Variants in ITGA11 observed in about 807,000 individuals in gnomAD.
ITGA11 encodes integrin subunit alpha 11, also known as integrin alpha-11.
ITGA11 carries 97 observed loss-of-function variants against 141.9 expected under a neutral mutation model. The ratio of observed to expected loss-of-function variants is 0.68; its 90% confidence interval spans 0.58 to 0.81. The LOEUF is 0.81. Among genes scored for constraint, ITGA11 ranks in the 30% least tolerant of loss-of-function variants. The pLI is 0.00. For synonymous variants in ITGA11, 658 were observed against 624.6 expected, an observed-to-expected ratio of 1.05 and a Z score of -0.80; for missense variants, 1,387 against 1,559.2, an observed-to-expected ratio of 0.89 and a Z score of 1.86.
chr15:68,387,879 T>C (rs1043931790), intron 2 of ITGA11, among the ~76,000 whole-genome samples: 2 of 152,096 alleles, frequency 1.3e-5, no homozygotes, highest in Admixed American at 6.6e-5. Flanking sequence ...CCGCCTTCTC[T>C]TTCTCCTTCC....
intron 1 of ITGA11, among the ~76,000 whole-genome samples, chr15:68,411,572 G>A (rs1896771478): frequency 6.6e-6 from 1 of 152,314 alleles, no homozygotes; most frequent in South Asian, 2.1e-4. Flanking sequence ...GGAACTGGAG[G>A]CACAGCGATC....
rs951222482 is a variant in ITGA11, at chr15:68,321,259, T to C, written c.2408+159A>G. On this transcript the variant is annotated intron_variant, in intron 19 of 29. Coordinates refer to ENST00000315757, the MANE Select transcript of ITGA11 (RefSeq NM_001004439.2). The surrounding 1 kb of genome is among the most constrained non-coding windows in gnomAD (Gnocchi z 4.9). Reference sequence around the variant, plus strand: ...TTTCCTGAGGTTATGCAGGAGTTGGTGGCAGAGCCTGGGCTAGAACGCAGG... The same window carrying C: ...TTTCCTGAGGTTATGCAGGAGTTGGCGGCAGAGCCTGGGCTAGAACGCAGG... Among the ~76,000 whole-genome samples, 2 of 152,016 alleles carry C rather than the reference T, an allele frequency of 1.3e-5. No individual in the cohort carries two copies. The highest frequency in any genetic ancestry group is 2.4e-5 in the African/African-American group (1 of 41,426).
rs1320198024 is a variant in ITGA11, at chr15:68,304,141, C to T, written c.3382-256G>A. ...CACTTGCTGCCTTTGGCCTCAGGCC[C>T]CCGCCACTCCCTGGATCCTCCTCCC... On this transcript the variant is annotated intron_variant, in intron 28 of 29. Coordinates refer to ENST00000315757, the MANE Select transcript of ITGA11 (RefSeq NM_001004439.2). This position sits in a 1 kb window ranked among gnomAD's most constrained non-coding sequence, Gnocchi z 6.1. Among the ~76,000 whole-genome samples, 1 of 152,160 alleles carries T rather than the reference C, an allele frequency of 6.6e-6. No individual in the cohort carries two copies. Among genetic ancestry groups the T allele is most frequent in the Admixed American group, 6.5e-5 (1 of 15,282 alleles).
At position 68,302,295 on chromosome 15, in the gene ITGA11, C is replaced by G. The variant is rs1172345438; in HGVS notation, c.*764G>C. ...GAGGTACCTGGGAACAAAAGTGACC[C>G]GGGAGGGTTGGCAGCTGAGAGCAAG... On this transcript the variant is annotated 3_prime_UTR_variant, in exon 30 of 30. Transcript: ENST00000315757. The G allele has an allele frequency of 3.3e-5, 5 of 152,266 alleles. No individual in the cohort carries two copies. In the South Asian group the frequency reaches 8.3e-4, roughly 25 times the overall value. 9.4% of individuals were successfully genotyped at this position (152,266 alleles called of 1,614,324 possible).
chr15:68,367,595 T>A (rs1388519482), intron 3 of ITGA11, among the ~76,000 whole-genome samples: 1 of 152,170 alleles, frequency 6.6e-6, no homozygotes, highest in Non-Finnish European at 1.5e-5. Flanking sequence ...ACAGCATTGA[T>A]CCCTGCCTAA....
chr15:68,408,971 T>A (rs1159011182), intron 1 of ITGA11, among the ~76,000 whole-genome samples: 1 of 152,160 alleles, frequency 6.6e-6, no homozygotes, highest in Non-Finnish European at 1.5e-5. Flanking sequence ...AATAAAAATA[T>A]CTATCTGGAA....
rs982201343 is a variant in ITGA11 at position 68,308,560 on chromosome 15, T to C, written c.3175-864A>G. 2.0e-5 allele frequency among the ~76,000 whole-genome samples: 3 copies of C among 151,922 alleles called. No homozygotes were observed. The highest frequency in any genetic ancestry group is 4.4e-5 in the Non-Finnish European group (3 of 68,002). On this transcript the variant is annotated intron_variant, in intron 26 of 29. Transcript: ENST00000315757. The surrounding 1 kb of genome is among the most constrained non-coding windows in gnomAD (Gnocchi z 5.2). ...ATCGAGACCATCCTGGCTAACACAG[T>C]GAAACCCCGTCTCTATTAAAAAAAT...
At chr15:68,350,880 G>T in intron 8 of ITGA11, 98 bp from the exon 9 acceptor site, 1 of 1,257,162 alleles carries the variant, frequency 8.0e-7, no homozygotes, top group African/African-American at 1.5e-5. Flanking sequence ...GGGTGGGCTG[G>T]AGCCAGGGCC....
intron 1 of ITGA11, among the ~76,000 whole-genome samples, chr15:68,428,739 C>G (rs1897201160): frequency 6.6e-6 from 1 of 152,204 alleles, no homozygotes; most frequent in Non-Finnish European, 1.5e-5. Context: ...AGGTTGCTTT[C>G]TGTTGGGTAG....
Position 68,303,974 on chromosome 15 carries a change from G to GTGC in ITGA11, c.3382-90_3382-89insGCA. The GTGC allele has an allele frequency of 1.3e-6, 1 of 764,414 alleles. No homozygotes were observed. Among genetic ancestry groups the GTGC allele is most frequent in the Non-Finnish European group, 2.2e-6 (1 of 444,502 alleles). The allele number at this position is 764,414 out of a possible 1,614,324, so 47.4% of individuals were successfully genotyped here. A position where few individuals can be genotyped will look rare whatever the true frequency, so the allele number is the denominator to read the frequency against. Reference sequence around the variant, plus strand: ...AGGGGCAGGAGGGTGGAGACAGCTGGCACCTGGTGGGGGAGCTGCATCCTC... The same window carrying GTGC: ...AGGGGCAGGAGGGTGGAGACAGCTGGTGCCACCTGGTGGGGGAGCTGCATCCTC... On this transcript the variant is annotated intron_variant, in intron 28 of 29. Coordinates refer to ENST00000315757, the MANE Select transcript of ITGA11 (RefSeq NM_001004439.2). This position sits in a 1 kb window ranked among gnomAD's most constrained non-coding sequence, Gnocchi z 5.3.
rs1278864423 is a variant in ITGA11 at position 68,301,086 on chromosome 15, C to T, written c.*1973G>A. 1 of 152,194 alleles carries T rather than the reference C, an allele frequency of 6.6e-6. No individual in the cohort carries two copies. Among genetic ancestry groups the T allele is most frequent in the Non-Finnish European group, 1.5e-5 (1 of 68,042 alleles). 9.4% of individuals were successfully genotyped at this position (152,194 alleles called of 1,614,324 possible). ...TTAGAAGGCAATGGGTTTTGATACT[C>T]AAATTTTAGTTTCACCATTTTCACC... is the stretch of plus-strand genomic sequence containing the variant. On this transcript the variant is annotated 3_prime_UTR_variant, in exon 30 of 30. Transcript: ENST00000315757. This position sits in a 1 kb window ranked among gnomAD's most constrained non-coding sequence, Gnocchi z 4.4.
intron 7 of ITGA11, among the ~76,000 whole-genome samples, chr15:68,354,038 G>A (rs886170975): frequency 6.6e-6 from 1 of 151,896 alleles, no homozygotes; most frequent in Admixed American, 6.6e-5. Context: ...CCAATCAAAG[G>A]TCATCCGTCA....
chr15:68,374,814 C>T (rs1299210404), intron 2 of ITGA11, among the ~76,000 whole-genome samples: 1 of 152,270 alleles, frequency 6.6e-6, no homozygotes, highest in Admixed American at 6.5e-5. Flanking sequence ...ATGGGCCTCA[C>T]AGCCTCCCTC....
rs1453432364 is a variant in ITGA11 at position 68,361,622 on chromosome 15, C to A, written c.440G>T (p.Arg147Met). ...GMCSRVNSNF[R>M]FSKTVAPALQ... The stretch of plus-strand genomic sequence containing the variant: ...AGCTGGGGCCACGGTCTTGGAGAAC[C>A]TGAAGTTGGAGTTGACTCTTGAACA... Residue 147 changes from arginine to methionine, a missense_variant, in exon 5 of 30, where the codon AGG becomes ATG. Transcript: ENST00000315757. 6.2e-7 allele frequency: 1 copy of A among 1,609,610 alleles called. No individual in the cohort carries two copies.
At chr15:68,353,398 G>A (rs980584193) in intron 7 of ITGA11, among the ~76,000 whole-genome samples, 2 of 151,992 alleles carry the variant, frequency 1.3e-5, no homozygotes, top group African/African-American at 4.8e-5. Flanking sequence ...CCAGTAGCAG[G>A]AGAACTCTGC....
intron 1 of ITGA11, among the ~76,000 whole-genome samples, chr15:68,423,578 G>A (rs1897069869): frequency 6.6e-6 from 1 of 152,194 alleles, no homozygotes; most frequent in African/African-American, 2.4e-5. Flanking sequence ...ACCTGGTCTG[G>A]TTGGCTCTGT....
chr15:68,327,417 G>A (rs554862421), intron 16 of ITGA11, among the ~76,000 whole-genome samples: 2 of 152,350 alleles, frequency 1.3e-5, no homozygotes, highest in African/African-American at 4.8e-5. Flanking sequence ...GACAGAAGTT[G>A]AAAGAGAGGG....
At chr15:68,338,683 A>G (rs1469913555) in intron 11 of ITGA11, among the ~76,000 whole-genome samples, 1 of 152,212 alleles carries the variant, frequency 6.6e-6, no homozygotes, top group Non-Finnish European at 1.5e-5. Context: ...AAAGGTTGGG[A>G]TGGGATGAAG....
intron 1 of ITGA11, among the ~76,000 whole-genome samples, chr15:68,428,330 A>C (rs1405366800): frequency 6.6e-6 from 1 of 152,130 alleles, no homozygotes; most frequent in African/African-American, 2.4e-5. Context: ...CCACTACAGG[A>C]GGGTGGAAAA....
Sources: allele counts gnomAD v4.1 joint callset (sites outside exome capture counted in the v4.1 genomes callset), GRCh38; gene constraint gnomAD v4.1.1; non-coding constraint Gnocchi (gnomAD v3.1); transcripts MANE v1.5; gene names NCBI Gene and HGNC (gene_info 2026-07-23, HGNC 2026-07-21).